MCM3AP: variants seen among roughly 807,000 people sequenced by gnomAD.
MCM3AP encodes germinal-center associated nuclear protein.
MCM3AP carries 126 observed loss-of-function variants against 184.1 expected under a neutral mutation model. The ratio of observed to expected loss-of-function variants is 0.68; its 90% CI spans 0.59 to 0.79. The LOEUF is 0.79. MCM3AP is among the 30% of genes least tolerant of loss of function. MCM3AP has a pLI of 0.00. For missense variants in MCM3AP, 2,496 were observed against 2,479.2 expected, an observed-to-expected ratio of 1.01 and a Z score of -0.14; for synonymous variants, 1,002 against 979.3, an observed-to-expected ratio of 1.02 and a Z score of -0.43.
chr21:46,251,466 A>G lies in MCM3AP; in HGVS notation c.4290+63T>C. Reference sequence around the variant, plus strand: ...AAGCAGTATTTGCATGGTTCCAGTGATATCTGGGAGTAAGTGAAAGTAATG... The same window carrying G: ...AAGCAGTATTTGCATGGTTCCAGTGGTATCTGGGAGTAAGTGAAAGTAATG... On this transcript the variant is annotated intron_variant, in intron 20 of 27. Coordinates refer to ENST00000291688, the MANE Select transcript of MCM3AP (RefSeq NM_003906.5). 4.3e-6 allele frequency: 6 copies of G among 1,395,378 alleles called. No individual in the cohort carries two copies. The South Asian group carries it at 5.1e-5, about 12-fold the overall frequency. 86.4% of individuals were successfully genotyped at this position (1,395,378 alleles called of 1,614,324 possible). A position where few individuals can be genotyped will look rare whatever the true frequency, so the allele number is the denominator to read the frequency against.
chr21:46,267,894 G>C (rs8131960), intron 9 of MCM3AP: 130,315 of 151,492 alleles, frequency 0.86, 56,567 homozygotes, highest in African/African-American at 0.93. Flanking sequence ...GAGAACCAGT[G>C]TCTTAAAAAA....
chr21:46,261,664 G>A (rs1454898196), intron 13 of MCM3AP, among the ~76,000 whole-genome samples: 2 of 151,228 alleles, frequency 1.3e-5, no homozygotes, highest in Admixed American at 1.3e-4. Flanking sequence ...ACCTGGGAGC[G>A]GGAGACTGCA....
rs199917023 is a variant in MCM3AP, at chr21:46,280,131, T to C, written c.1529A>G (p.Asn510Ser). ...IFWHRKKISPNKKPFSLKEKK... is the reference protein window; with the variant it reads ...IFWHRKKISPSKKPFSLKEKK... ...CTCCTTCAGGGAAAAGGGTTTCTTA[T>C]TGGGGCCTGTGGACATAGGAGGCAG... is the stretch of plus-strand genomic sequence containing the variant. The change falls in exon 4 of 28, where the codon AAT (asparagine) becomes AGT (serine). Residue 510 changes from asparagine to serine, a missense_variant. Asn to Ser is a conservative substitution (Grantham distance 46, BLOSUM62 1). Transcript: ENST00000291688. 7 of 1,614,136 alleles carry C rather than the reference T, an allele frequency of 4.3e-6. No individual in the cohort carries two copies. The highest frequency in any genetic ancestry group is 5.1e-6 in the Non-Finnish European group (6 of 1,180,006).
chr21:46,245,063 C>T lies in MCM3AP; in HGVS notation c.4782G>A (p.Glu1594=), dbSNP rs769278898. The T allele has an allele frequency of 6.2e-7, 1 of 1,614,238 alleles. No individual in the cohort carries two copies. ...FSGRFFHDRR[E]RRLGGLASQE... ...GAGAAGCAAGACCGCCCAGACGCCT[C>T]TCTCTTCTGTCATGGAAAAAGCGGC... The change falls in exon 23 of 28, where the codon GAG becomes GAA. Residue 1594 remains glutamate, a synonymous_variant. Transcript: ENST00000291688.
Position 46,267,019 on chromosome 21 carries a change from C to T in MCM3AP, c.2752G>A (p.Asp918Asn), listed in dbSNP as rs2081121231. The T allele has an allele frequency of 2.5e-6, 4 of 1,614,214 alleles. No individual in the cohort carries two copies. The highest frequency in any genetic ancestry group is 3.4e-6 in the Non-Finnish European group (4 of 1,180,042). Residue 918 changes from aspartate to asparagine, a missense_variant, in exon 10 of 28, where the codon GAC becomes AAC. Transcript: ENST00000291688. ...GTGAGGCCGTGGCAGGTGAGGAAGT[C>T]GGTGGCCTCTTCACAGTCTCTGAAC... The part of the protein sequence containing the change: ...LLFRDCEEAT[D>N]FLTCHGLTVS...
rs762900381 is a variant in MCM3AP at position 46,285,138 on chromosome 21, G to C, written c.149C>G (p.Ser50Trp). 6.2e-7 allele frequency: 1 copy of C among 1,614,030 alleles called. No homozygotes were observed. Among genetic ancestry groups the C allele is most frequent in the African/African-American group, 1.3e-5 (1 of 74,902 alleles). ...GQNSTLSGKS[S>W]GFSQVSSFPA... is the part of the protein sequence containing the mutation. The stretch of plus-strand genomic sequence containing the variant: ...AAAGCTGGATACCTGTGAAAATCCC[G>C]AGCTCTTCCCAGATAAGGTACTGTT... The change falls in exon 1 of 28, where the codon TCG (serine) becomes TGG (tryptophan). Residue 50 changes from serine to tryptophan, a missense_variant. By Grantham distance (177) the Ser-to-Trp change is radical. Around this residue, in one of 5 missense-constraint regions of MCM3AP, gnomAD observed 800 missense variants for 717.1 expected, o/e 1.12. Transcript: ENST00000291688.
Position 46,265,501 on chromosome 21 carries a change from A to G in MCM3AP, c.3054T>C (p.Cys1018=). The G allele has an allele frequency of 6.2e-6, 10 of 1,606,462 alleles. No homozygotes were observed. The highest frequency in any genetic ancestry group is 8.5e-6 in the Non-Finnish European group (10 of 1,175,788). Residue 1018 remains cysteine, a synonymous_variant, in exon 12 of 28, where the codon TGT becomes TGC. Coordinates refer to ENST00000291688, the MANE Select transcript of MCM3AP (RefSeq NM_003906.5). ...DTVGGGRGEE[C]GVEPDAPLSS... ...ACAGGGGTGCATCCGGCTCTACACC[A>G]CACTCCTCTCCTCTCCCTCCGCCTG...
At chr21:46,282,351 A>G (rs2081344013) in intron 2 of MCM3AP, among the ~76,000 whole-genome samples, 1 of 152,202 alleles carries the variant, frequency 6.6e-6, no homozygotes, top group Non-Finnish European at 1.5e-5. Context: ...AACAAAACGT[A>G]GTCCATCCAC....
rs1180442126 is a variant in MCM3AP, at chr21:46,279,865, C to G, written c.1667+128G>C. The G allele has an allele frequency of 1.0e-5, 9 of 871,418 alleles. No homozygotes were observed. The Admixed American group carries it at 1.3e-4, about 13-fold the overall frequency. The allele number at this position is 871,418 out of a possible 1,614,324, so 54.0% of individuals were successfully genotyped here. Reference sequence around the variant, plus strand: ...AGAGCCCCTGCCCCTCCACCCCCAACCATCCCTAGCAACTGGCTTTTGTCT... The same window carrying G: ...AGAGCCCCTGCCCCTCCACCCCCAAGCATCCCTAGCAACTGGCTTTTGTCT... On this transcript the variant is annotated intron_variant, in intron 4 of 27. Coordinates refer to ENST00000291688, the MANE Select transcript of MCM3AP (RefSeq NM_003906.5).
intron 19 of MCM3AP, 196 bp from the exon 20 acceptor site, chr21:46,251,878 G>A (rs1002514199): frequency 3.8e-5 from 7 of 186,038 alleles, no homozygotes; most frequent in African/African-American, 1.6e-4. Context: ...ATCTGTACTC[G>A]TTCTTTTTTT....
chr21:46,279,890 T>G, intron 4 of MCM3AP, 103 bp downstream of exon 4: 1 of 1,200,720 alleles, frequency 8.3e-7, no homozygotes, highest in South Asian at 1.7e-5. Context: ...GGCTTTTGTC[T>G]CCTCACCACT....
rs776408901 is a variant in MCM3AP at position 46,244,985 on chromosome 21, A to G, written c.4860T>C (p.Ala1620=). Residue 1620 remains alanine, a synonymous_variant, in exon 23 of 28, where the codon GCT becomes GCC. Transcript: ENST00000291688. ...ACAGCTGTTCAGAGGACACCACAGA[A>G]GCCAGGAACTGCAGCACACTGTTAA... ...ELFNSVLQFL[A]SVVSSEQLCD... is the part of the protein sequence containing the mutation. 6.2e-7 allele frequency: 1 copy of G among 1,614,242 alleles called. No individual in the cohort carries two copies. Among genetic ancestry groups the G allele is most frequent in the Non-Finnish European group, 8.5e-7 (1 of 1,180,042 alleles).
intron 4 of MCM3AP, 57 bp downstream of exon 4, chr21:46,279,924 CAGGTGTCGCTAT>C: frequency 6.7e-7 from 1 of 1,484,014 alleles, no homozygotes; most frequent in East Asian, 2.3e-5. Flanking sequence ...CACCCTGACT[CAGGTGTCGCTAT>C]AGGGCGCTAT....
rs1400710205 is a variant in MCM3AP at position 46,284,351 on chromosome 21, C to T, written c.936G>A (p.Ser312=). The T allele has an allele frequency of 1.9e-6, 3 of 1,614,074 alleles. No homozygotes were observed. Among genetic ancestry groups the T allele is most frequent in the Non-Finnish European group, 2.5e-6 (3 of 1,180,036 alleles). Residue 312 remains serine, a synonymous_variant, in exon 1 of 28, where the codon TCG becomes TCA. Transcript: ENST00000291688. ...GATGATCGCCCCGGGACAGAGGATC[C>T]GAATCTTCTGCTGGCTCGTGGCCAT... The part of the protein sequence containing the change: ...RRHGHEPAED[S]DPLSRGDHPP...
At chr21:46,265,581 G>T in intron 11 of MCM3AP, 58 bp from the exon 12 acceptor site, 1 of 1,393,632 alleles carries the variant, frequency 7.2e-7, no homozygotes. Context: ...CTGGCACCAC[G>T]GGGACCGAGG....
At position 46,273,342 on chromosome 21, in the gene MCM3AP, G is replaced by A. The variant is rs749854439; in HGVS notation, c.2196+46C>T. 2.6e-6 allele frequency: 4 copies of A among 1,538,606 alleles called. No homozygotes were observed. In the Admixed American group the frequency reaches 6.7e-5, roughly 26 times the overall value. Reference sequence around the variant, plus strand: ...TAATAAAAATATCAGTTTGACTTTGGAATTTGCGTGGATTTTTTAGCATCC... The same window carrying A: ...TAATAAAAATATCAGTTTGACTTTGAAATTTGCGTGGATTTTTTAGCATCC... On this transcript the variant is annotated intron_variant, in intron 7 of 27. Transcript: ENST00000291688.
intron 15 of MCM3AP, chr21:46,259,455 CAAA>C (rs959198211): frequency 2.6e-4 from 18 of 68,380 alleles, no homozygotes; most frequent in South Asian, 4.5e-4. Context: ...GACTCCGTCT[CAAA>C]AAAAAAAAAA....
intron 19 of MCM3AP, 196 bp from the exon 20 acceptor site, chr21:46,251,878 G>GTTTTTT (rs1382158250): frequency 1.1e-5 from 2 of 186,018 alleles, no homozygotes; most frequent in East Asian, 6.7e-5. Flanking sequence ...ATCTGTACTC[G>GTTTTTT]TTCTTTTTTT....
At position 46,242,787 on chromosome 21, in the gene MCM3AP, G is replaced by A; in HGVS notation, c.5426+15C>T. On this transcript the variant is annotated intron_variant, in intron 25 of 27. Transcript: ENST00000291688. ...GTTTAGCAAGCAACAGAAACATACTGAACATGAACCTCACCGTCCCTCTCT... is the reference window on the plus strand; with the variant it reads ...GTTTAGCAAGCAACAGAAACATACTAAACATGAACCTCACCGTCCCTCTCT... The A allele has an allele frequency of 6.3e-6, 10 of 1,598,300 alleles. No individual in the cohort carries two copies. The highest frequency in any genetic ancestry group is 8.5e-6 in the Non-Finnish European group (10 of 1,174,804).
Sources: gnomAD v4.1 joint callset for allele counts (sites outside exome capture counted in the v4.1 genomes callset) on GRCh38, gnomAD v4.1.1 for gene constraint, gnomAD v4.1.1 regional missense constraint, MANE v1.5 for transcripts, NCBI Gene and HGNC (gene_info 2026-07-23, HGNC 2026-07-21) for gene names.